TRARG1: variants seen among roughly 807,000 people sequenced by gnomAD.
TRARG1 encodes trafficking regulator of GLUT4 (SLC2A4) 1 (gene/pseudogene).
TRARG1 carries 16 observed loss-of-function variants against 13.3 expected under a neutral mutation model. The ratio of observed to expected loss-of-function variants is 1.20; its 90% CI spans 0.81 to 1.83. The LOEUF is 1.83. Ranked by LOEUF, TRARG1 falls within the 40% of genes most tolerant of loss-of-function variation. The pLI is 0.00. For missense variants in TRARG1, 250 were observed against 237.4 expected (o/e 1.05, Z -0.35); for synonymous variants, 113 against 106.2 (o/e 1.06, Z -0.39).
intron 1 of TRARG1, among the ~76,000 whole-genome samples, chr17:1,280,774 G>T (rs1035890222): frequency 6.6e-6 from 1 of 152,192 alleles, no homozygotes; most frequent in Non-Finnish European, 1.5e-5. Flanking sequence ...TGTCTCAGCA[G>T]AGGTTGCACC....
intron 1 of TRARG1, 38 bp downstream of exon 1, chr17:1,280,426 C>T: frequency 1.3e-6 from 2 of 1,524,016 alleles, no homozygotes; most frequent in Non-Finnish European, 8.8e-7. Flanking sequence ...AGGGGCTGGG[C>T]CCAGGGGTCG....
At chr17:1,297,592 CTTTTTTTTTTTT>C (rs35978298) in intron 2 of TRARG1, among the ~76,000 whole-genome samples, 1,736 of 97,938 alleles carry the variant, frequency 0.018, 22 homozygotes, top group Middle Eastern at 0.087. Flanking sequence ...TTAGCCAGGA[CTTTTTTTTTTTT>C]TTTTTTTTTT....
chr17:1,293,717 A>ATAAGTTGAGTTTGATGTTGTG (rs2072091139), intron 1 of TRARG1, among the ~76,000 whole-genome samples: 1 of 151,882 alleles, frequency 6.6e-6, no homozygotes, highest in African/African-American at 2.4e-5. Context: ...ATGATGTCAC[A>ATAAGTTGAGTTTGATGTTGTG]GGTTGAATTT....
intron 1 of TRARG1, among the ~76,000 whole-genome samples, chr17:1,294,728 C>T (rs1481607526): frequency 6.6e-6 from 1 of 150,950 alleles, no homozygotes; most frequent in Non-Finnish European, 1.5e-5. Flanking sequence ...TGCTGTCTCC[C>T]AGGCTAGGGT....
In TRARG1 at chr17:1,300,678, G is replaced by A. The variant is rs2072149195; in HGVS notation, c.*2414G>A. On this transcript the variant is annotated 3_prime_UTR_variant, in exon 3 of 3. Coordinates refer to ENST00000333813, the MANE Select transcript of TRARG1 (RefSeq NM_172367.3). ...CGGAGGCCCGCAGAGCACAGAGCAG[G>A]AGAAGGGCTTGGGCCCTGGAGGAGA... 1 of 152,632 alleles carries A rather than the reference G, an allele frequency of 6.6e-6. No homozygotes were observed. The highest frequency in any genetic ancestry group is 2.4e-5 in the African/African-American group (1 of 41,478). The allele number at this position is 152,632 out of a possible 1,614,324, so 9.5% of individuals were successfully genotyped here.
In TRARG1 at chr17:1,300,848, G is replaced by C. The variant is rs2072150655; in HGVS notation, c.*2584G>C. On this transcript the variant is annotated 3_prime_UTR_variant, in exon 3 of 3. Coordinates refer to ENST00000333813, the MANE Select transcript of TRARG1 (RefSeq NM_172367.3). The stretch of plus-strand genomic sequence containing the variant: ...CCACCTGCATGAACACAGTGGCCCG[G>C]CTTAACGCACTAACCCAGCCTCTCC... The C allele has an allele frequency of 6.6e-6, 1 of 152,310 alleles. No homozygotes were observed. The highest frequency in any genetic ancestry group is 1.9e-4 in the East Asian group (1 of 5,206). 9.4% of individuals were successfully genotyped at this position (152,310 alleles called of 1,614,324 possible).
rs759035770 is a variant in TRARG1 at position 1,295,604 on chromosome 17, C to T, written c.501C>T (p.Ala167=). ...TGGGCATCGTCATTATCATGGTGGC[C>T]GTGACCGTCAACTTCACAGGTGAGA... ...IIMGIVIIMV[A]VTVNFTVQKK Residue 167 remains alanine, a synonymous_variant, in exon 2 of 3, where the codon GCC becomes GCT. Coordinates refer to ENST00000333813, the MANE Select transcript of TRARG1 (RefSeq NM_172367.3). The T allele has an allele frequency of 1.1e-5, 18 of 1,612,210 alleles. No individual in the cohort carries two copies. The highest frequency in any genetic ancestry group is 1.7e-5 in the Admixed American group (1 of 59,810).
intron 1 of TRARG1, among the ~76,000 whole-genome samples, chr17:1,285,643 A>G (rs948535516): frequency 1.3e-5 from 2 of 151,292 alleles, no homozygotes; most frequent in Non-Finnish European, 1.5e-5. Context: ...CTCGGGAGGC[A>G]GAGGCGGAGG....
At chr17:1,290,873 G>C (rs916353130) in intron 1 of TRARG1, among the ~76,000 whole-genome samples, 1 of 150,638 alleles carries the variant, frequency 6.6e-6, no homozygotes, top group African/African-American at 2.4e-5. Context: ...CTGCTCTCGC[G>C]ATAATGAGTG....
intron 1 of TRARG1, among the ~76,000 whole-genome samples, chr17:1,285,751 G>A (rs2072015351): frequency 6.6e-6 from 1 of 151,896 alleles, no homozygotes; most frequent in South Asian, 2.1e-4. Flanking sequence ...TAAGGTCGAG[G>A]AGGGGAGGGG....
In TRARG1 at chr17:1,280,269, G is replaced by A. The variant is rs1189419630; in HGVS notation, c.268G>A (p.Ala90Thr). The change falls in exon 1 of 3, where the codon GCC becomes ACC. Residue 90 changes from alanine (A) to threonine (T), a missense_variant. Physicochemically the swap from Ala to Thr is moderately conservative, Grantham distance 58. Coordinates refer to ENST00000333813, the MANE Select transcript of TRARG1 (RefSeq NM_172367.3). Reference sequence around the variant, plus strand: ...CAGCTCAAGGAGGGCGTCCTCCATCGCCACCACCTCCTATGCCCAAGACCA... The same window carrying A: ...CAGCTCAAGGAGGGCGTCCTCCATCACCACCACCTCCTATGCCCAAGACCA... ...RASSRRASSI[A>T]TTSYAQDQEA... 5 of 1,613,900 alleles carry A rather than the reference G, an allele frequency of 3.1e-6. No homozygotes were observed. Among genetic ancestry groups the A allele is most frequent in the African/African-American group, 2.7e-5 (2 of 74,926 alleles).
At chr17:1,292,401 G>A (rs1347989415) in intron 1 of TRARG1, among the ~76,000 whole-genome samples, 1 of 152,058 alleles carries the variant, frequency 6.6e-6, no homozygotes, top group African/African-American at 2.4e-5. Flanking sequence ...TATCATTCGG[G>A]ACTCACGTCC....
chr17:1,294,006 T>G (rs1424303037), intron 1 of TRARG1, among the ~76,000 whole-genome samples: 3 of 152,122 alleles, frequency 2.0e-5, no homozygotes, highest in African/African-American at 4.8e-5. Flanking sequence ...CATCATCGTC[T>G]TCTTCTTTGT....
At chr17:1,282,824 G>T (rs2071993407) in intron 1 of TRARG1, among the ~76,000 whole-genome samples, 1 of 151,920 alleles carries the variant, frequency 6.6e-6, no homozygotes, top group Non-Finnish European at 1.5e-5. Context: ...CAAGTAGCTG[G>T]CATTACAGGC....
rs2072135474 is a variant in TRARG1, at chr17:1,299,116, CTGAGCTCTCGT to C, written c.*853_*863del. On this transcript the variant is annotated 3_prime_UTR_variant, in exon 3 of 3. Coordinates refer to ENST00000333813, the MANE Select transcript of TRARG1 (RefSeq NM_172367.3). The stretch of plus-strand genomic sequence containing the variant: ...GTCAGCCAGCGGGGAGGGCCGAGGT[CTGAGCTCTCGT>C]CCTGCCGTGGCCCCCGCGATGGCCT... 1 of 152,412 alleles carries C rather than the reference CTGAGCTCTCGT, an allele frequency of 6.6e-6. No individual in the cohort carries two copies. Among genetic ancestry groups the C allele is most frequent in the East Asian group, 1.9e-4 (1 of 5,202 alleles). 9.4% of individuals were successfully genotyped at this position (152,412 alleles called of 1,614,324 possible).
intron 1 of TRARG1, among the ~76,000 whole-genome samples, chr17:1,282,771 A>C (rs1598188250): frequency 6.8e-6 from 1 of 146,646 alleles, no homozygotes; most frequent in Non-Finnish European, 1.5e-5. Flanking sequence ...CTCACTGCAA[A>C]CTCCGTCTCC....
At chr17:1,296,030 C>T (rs2150812538) in intron 2 of TRARG1, among the ~76,000 whole-genome samples, 1 of 152,272 alleles carries the variant, frequency 6.6e-6, no homozygotes, top group East Asian at 1.9e-4. Flanking sequence ...AGATAAAGGA[C>T]GTGACTGTGC....
chr17:1,280,153 T>G lies in TRARG1; in HGVS notation c.152T>G (p.Leu51Arg), dbSNP rs766094067. The change falls in exon 1 of 3, where the codon CTG becomes CGG. Residue 51 changes from leucine to arginine, a missense_variant. Transcript: ENST00000333813. Reference sequence around the variant, plus strand: ...CTGTCCAAGACCCTCTCGGGGCCTCTGGATCTGGAGCAGAACAGCCAGGGC... The same window carrying G: ...CTGTCCAAGACCCTCTCGGGGCCTCGGGATCTGGAGCAGAACAGCCAGGGC... ...LNLSKTLSGPLDLEQNSQGLP... is the reference protein window; with the variant it reads ...LNLSKTLSGPRDLEQNSQGLP... 6.2e-7 allele frequency: 1 copy of G among 1,614,014 alleles called. No individual in the cohort carries two copies. Among genetic ancestry groups the G allele is most frequent in the South Asian group, 1.1e-5 (1 of 91,060 alleles).
intron 1 of TRARG1, among the ~76,000 whole-genome samples, chr17:1,284,450 G>T (rs1052399785): frequency 2.0e-5 from 3 of 152,166 alleles, no homozygotes; most frequent in Admixed American, 6.6e-5. Context: ...GGGTTGGAGG[G>T]GATGAGGCTG....
Sources: gnomAD v4.1 joint callset for allele counts (sites outside exome capture counted in the v4.1 genomes callset) on GRCh38, gnomAD v4.1.1 for gene constraint, MANE v1.5 for transcripts, NCBI Gene and HGNC (gene_info 2026-07-23, HGNC 2026-07-21) for gene names.